FXN: variants seen among roughly 807,000 people sequenced by gnomAD.
FXN encodes frataxin, mitochondrial.
In FXN, 14 loss-of-function variants were observed where a neutral mutation model predicts 22.4. The observed-to-expected ratio is 0.62, with a 90% CI of 0.41 to 0.98. The LOEUF is 0.98. Ranked by LOEUF, FXN falls within the 50% of genes least tolerant of loss-of-function variation. FXN has a pLI of 0.00. For synonymous variants in FXN, 120 were observed against 114.1 expected (o/e 1.05, Z -0.33); for missense variants, 267 against 268.4 (o/e 0.99, Z 0.04).
chr9:69,078,802 ACTC>A lies in FXN; in HGVS notation c.*6048_*6050del, dbSNP rs2133148946. On this transcript the variant is annotated 3_prime_UTR_variant, in exon 5 of 5. Coordinates refer to ENST00000484259, the MANE Select transcript of FXN (RefSeq NM_000144.5). ...AAATGTTCTTGGCACAGCCTTGCAA[ACTC>A]CTCCTCCACTCAGCCTCTGCCTGGA... is the stretch of plus-strand genomic sequence containing the variant. The A allele has an allele frequency of 3.0e-6, 3 of 984,790 alleles. No individual in the cohort carries two copies. The highest frequency in any genetic ancestry group is 6.2e-5 in the Admixed American group (1 of 16,216). 61.0% of individuals were successfully genotyped at this position (984,790 alleles called of 1,614,324 possible).
intron 3 of FXN, among the ~76,000 whole-genome samples, chr9:69,054,502 GGTTTGTTTGTCT>G (rs1260573054): frequency 1.3e-5 from 2 of 152,044 alleles, no homozygotes; most frequent in Non-Finnish European, 2.9e-5. Context: ...TGGGTTGGTT[GGTTTGTTTGTCT>G]GTTTGTTTGT....
chr9:69,062,198 A>G (rs999723886), intron 3 of FXN, among the ~76,000 whole-genome samples: 3 of 152,146 alleles, frequency 2.0e-5, no homozygotes, highest in Non-Finnish European at 2.9e-5. Flanking sequence ...TGCAGCCTCA[A>G]TCTCTGAGGC....
chr9:69,072,827 T>C lies in FXN; in HGVS notation c.*65T>C, dbSNP rs984242266. On this transcript the variant is annotated 3_prime_UTR_variant, in exon 5 of 5. Coordinates refer to ENST00000484259, the MANE Select transcript of FXN (RefSeq NM_000144.5). ...CAAGACCCCAGCTTCATTATGCAGC[T>C]GAGGTCTGTTTTTTGTTGTTGTTGT... The C allele has an allele frequency of 6.2e-7, 1 of 1,606,360 alleles. No homozygotes were observed. Among genetic ancestry groups the C allele is most frequent in the Non-Finnish European group, 8.5e-7 (1 of 1,178,268 alleles).
chr9:69,046,882 T>C (rs1004195639), intron 2 of FXN, among the ~76,000 whole-genome samples: 18 of 152,138 alleles, frequency 1.2e-4, no homozygotes, highest in African/African-American at 4.3e-4. Flanking sequence ...CAGCTTCCAG[T>C]TTGGTCTTTA....
chr9:69,035,995 C>G, intron 1 of FXN, 48 bp downstream of exon 1: 2 of 1,308,916 alleles, frequency 1.5e-6, no homozygotes, highest in South Asian at 4.2e-5. Flanking sequence ...CCGCGGGCCG[C>G]ACGCCGCACG....
intron 3 of FXN, among the ~76,000 whole-genome samples, chr9:69,061,403 C>T (rs1351166335): frequency 6.6e-6 from 1 of 152,098 alleles, no homozygotes; most frequent in African/African-American, 2.4e-5. Context: ...ATACTCAGTC[C>T]TCTGCCCTTT....
At position 69,078,656 on chromosome 9, in the gene FXN, A is replaced by C; in HGVS notation, c.*5894A>C. The C allele has an allele frequency of 1.0e-6, 1 of 981,462 alleles. No individual in the cohort carries two copies. Among genetic ancestry groups the C allele is most frequent in the Non-Finnish European group, 1.2e-6 (1 of 829,334 alleles). 60.8% of individuals were successfully genotyped at this position (981,462 alleles called of 1,614,324 possible). A position where few individuals can be genotyped will look rare whatever the true frequency, so the allele number is the denominator to read the frequency against. ...CAACACTTTGACTCCAGCAATCCCAAATCCCCAGATCCCTAAGTGTGCTGT... is the reference window on the plus strand; with the variant it reads ...CAACACTTTGACTCCAGCAATCCCACATCCCCAGATCCCTAAGTGTGCTGT... On this transcript the variant is annotated 3_prime_UTR_variant, in exon 5 of 5. Transcript: ENST00000484259.
chr9:69,077,445 AT>A lies in FXN; in HGVS notation c.*4686del. On this transcript the variant is annotated 3_prime_UTR_variant, in exon 5 of 5. Transcript: ENST00000484259. ...TGAAATGTTTATTAGCTGAAGATTT[AT>A]TTAGACAGTTGAGGAAAACATCAGC... 7 of 985,442 alleles carry A rather than the reference AT, an allele frequency of 7.1e-6. No individual in the cohort carries two copies. The highest frequency in any genetic ancestry group is 8.4e-6 in the Non-Finnish European group (7 of 829,930). 61.0% of individuals were successfully genotyped at this position (985,442 alleles called of 1,614,324 possible). A position where few individuals can be genotyped will look rare whatever the true frequency, so the allele number is the denominator to read the frequency against.
At chr9:69,050,295 A>G (rs968694670) in intron 2 of FXN, among the ~76,000 whole-genome samples, 2 of 152,236 alleles carry the variant, frequency 1.3e-5, no homozygotes, top group African/African-American at 4.8e-5. Flanking sequence ...TTACAAAGGA[A>G]TACTTGGGCA....
At chr9:69,061,317 G>C (rs3793464) in intron 3 of FXN, among the ~76,000 whole-genome samples, 4 of 152,112 alleles carry the variant, frequency 2.6e-5, no homozygotes, top group African/African-American at 9.7e-5. Flanking sequence ...CTGAGTCCTC[G>C]AAGGAGGCAG....
intron 4 of FXN, among the ~76,000 whole-genome samples, chr9:69,065,562 G>C (rs1004154338): frequency 3.5e-5 from 5 of 141,144 alleles, no homozygotes; most frequent in Non-Finnish European, 7.7e-5. Flanking sequence ...AAAAGTCATC[G>C]TCTTATGTTA....
rs1367829251 is a variant in FXN, at chr9:69,077,739, G to A, written c.*4977G>A. 16 of 758,406 alleles carry A rather than the reference G, an allele frequency of 2.1e-5. No individual in the cohort carries two copies. The South Asian group carries it at 8.4e-4, about 40-fold the overall frequency. 47.0% of individuals were successfully genotyped at this position (758,406 alleles called of 1,614,324 possible). A position where few individuals can be genotyped will look rare whatever the true frequency, so the allele number is the denominator to read the frequency against. ...GAGGTTAGGAGTTCGAGGCCAGCCT[G>A]GTCAACATGGTAAAACCCCGCCTCT... is the stretch of plus-strand genomic sequence containing the variant. On this transcript the variant is annotated 3_prime_UTR_variant, in exon 5 of 5. Coordinates refer to ENST00000484259, the MANE Select transcript of FXN (RefSeq NM_000144.5).
intron 1 of FXN, among the ~76,000 whole-genome samples, chr9:69,041,066 T>A (rs1197917393): frequency 6.6e-6 from 1 of 152,218 alleles, no homozygotes; most frequent in African/African-American, 2.4e-5. Flanking sequence ...AACAAATACT[T>A]GTATCCCTGA....
intron 3 of FXN, among the ~76,000 whole-genome samples, 163 bp from the exon 4 acceptor site, chr9:69,064,775 C>T (rs750534702): frequency 6.6e-6 from 1 of 152,212 alleles, no homozygotes. Flanking sequence ...GCTCTTCCTA[C>T]ACAAACTCCT....
At chr9:69,066,161 C>T (rs1832162227) in intron 4 of FXN, among the ~76,000 whole-genome samples, 1 of 152,182 alleles carries the variant, frequency 6.6e-6, no homozygotes, top group Admixed American at 6.5e-5. Flanking sequence ...AAAACGTTCT[C>T]AGATCCAGTC....
intron 1 of FXN, among the ~76,000 whole-genome samples, chr9:69,040,932 C>T (rs758092073): frequency 6.6e-6 from 1 of 152,174 alleles, no homozygotes; most frequent in Non-Finnish European, 1.5e-5. Context: ...TCACCAGACA[C>T]CAAAGCTGTT....
chr9:69,077,132 T>C lies in FXN; in HGVS notation c.*4370T>C. The C allele has an allele frequency of 4.8e-6, 3 of 627,350 alleles. No homozygotes were observed. Among genetic ancestry groups the C allele is most frequent in the Non-Finnish European group, 6.0e-6 (3 of 503,334 alleles). The allele number at this position is 627,350 out of a possible 1,614,324, so 38.9% of individuals were successfully genotyped here. ...TTTCACCATCATGGCCAGGCTGGTC[T>C]TGAACTCCTGACCTAGTAATCCACC... is the stretch of plus-strand genomic sequence containing the variant. On this transcript the variant is annotated 3_prime_UTR_variant, in exon 5 of 5. Coordinates refer to ENST00000484259, the MANE Select transcript of FXN (RefSeq NM_000144.5).
rs1339595456 is a variant in FXN, at chr9:69,072,976, T to C, written c.*214T>C. ...ATTTTTAATTTCTATGGAAGATTTT[T>C]TGGATTGTCGGATTTCCTCCCTCAC... On this transcript the variant is annotated 3_prime_UTR_variant, in exon 5 of 5. Coordinates refer to ENST00000484259, the MANE Select transcript of FXN (RefSeq NM_000144.5). 4.9e-6 allele frequency: 7 copies of C among 1,435,850 alleles called. No homozygotes were observed. The highest frequency in any genetic ancestry group is 5.4e-6 in the Non-Finnish European group (6 of 1,103,216). The allele number at this position is 1,435,850 out of a possible 1,614,324, so 88.9% of individuals were successfully genotyped here.
In FXN at chr9:69,074,921, T is replaced by G. The variant is rs192217050; in HGVS notation, c.*2159T>G. 4,456 of 985,454 alleles carry G rather than the reference T, an allele frequency of 4.5e-3. 20 individuals are homozygous for G. Among genetic ancestry groups the G allele is most frequent in the Non-Finnish European group, 5.0e-3 (4,147 of 829,936 alleles). 61.0% of individuals were successfully genotyped at this position (985,454 alleles called of 1,614,324 possible). On this transcript the variant is annotated 3_prime_UTR_variant, in exon 5 of 5. Coordinates refer to ENST00000484259, the MANE Select transcript of FXN (RefSeq NM_000144.5). ...GTATGTGTTTGCATCTTGCTTCTAC[T>G]GAAAGTTTCAGTGCACCCCACTTAC...
Sources: gnomAD v4.1 joint callset for allele counts (sites outside exome capture counted in the v4.1 genomes callset) on GRCh38, gnomAD v4.1.1 for gene constraint, MANE v1.5 for transcripts, NCBI Gene and HGNC (gene_info 2026-07-23, HGNC 2026-07-21) for gene names.